PRPSAP2: variants seen among roughly 807,000 people sequenced by gnomAD.
PRPSAP2 encodes phosphoribosyl pyrophosphate synthetase associated protein 2, also known as phosphoribosyl pyrophosphate synthase-associated protein 2.
In PRPSAP2, 24 loss-of-function variants were observed where a neutral mutation model predicts 40.6. That is an observed-to-expected ratio of 0.59 (90% CI 0.43 to 0.83). The LOEUF is 0.83. PRPSAP2 is among the 40% of genes least tolerant of loss of function. The probability of loss-of-function intolerance (pLI) is 0.00; values close to 1 mark genes in which losing one functional copy is unlikely to be tolerated. For missense variants in PRPSAP2, 292 were observed against 465.6 expected, an observed-to-expected ratio of 0.63 and a Z score of 3.43; for synonymous variants, 149 against 164.7, an observed-to-expected ratio of 0.90 and a Z score of 0.73.
intron 7 of PRPSAP2, among the ~76,000 whole-genome samples, chr17:18,885,403 C>CAAAAAAAA (rs775079199): frequency 2.7e-4 from 3 of 10,982 alleles, no homozygotes; most frequent in Non-Finnish European, 5.4e-4. Context: ...TTCCTTCTCA[C>CAAAAAAAA]AAAAAAAAAA....
chr17:18,886,417 G>T (rs747434113), intron 7 of PRPSAP2, among the ~76,000 whole-genome samples: 4 of 151,452 alleles, frequency 2.6e-5, no homozygotes, highest in Non-Finnish European at 5.9e-5. Context: ...GTGCAGTGGC[G>T]CAATCTCAGC....
intron 8 of PRPSAP2, among the ~76,000 whole-genome samples, chr17:18,903,513 C>G (rs1282759877): frequency 6.6e-6 from 1 of 152,114 alleles, no homozygotes; most frequent in Non-Finnish European, 1.5e-5. Context: ...GTTGGAAGAT[C>G]ATTTGAGTCC....
intron 5 of PRPSAP2, among the ~76,000 whole-genome samples, chr17:18,877,360 C>T (rs999986642): frequency 2.0e-5 from 3 of 152,094 alleles, no homozygotes; most frequent in Non-Finnish European, 4.4e-5. Context: ...GAATTCCTTA[C>T]ATAGGTGTGC....
intron 8 of PRPSAP2, 45 bp downstream of exon 8, chr17:18,889,922 A>T: frequency 6.4e-7 from 1 of 1,562,042 alleles, no homozygotes; most frequent in Non-Finnish European, 8.8e-7. Flanking sequence ...ACTTCTAAGG[A>T]TTGTATCCGT....
chr17:18,922,668 A>ATTTTTTTTT (rs57263191), intron 9 of PRPSAP2, among the ~76,000 whole-genome samples: 1 of 89,840 alleles, frequency 1.1e-5, no homozygotes, highest in East Asian at 3.3e-4. Flanking sequence ...TATATATATA[A>ATTTTTTTTT]TTTTTTTTTT....
intron 9 of PRPSAP2, among the ~76,000 whole-genome samples, chr17:18,919,352 A>G (rs1414530948): frequency 6.6e-6 from 1 of 152,194 alleles, no homozygotes; most frequent in Non-Finnish European, 1.5e-5. Context: ...ACTAAAAAAT[A>G]TAAAAATTAG....
intron 9 of PRPSAP2, among the ~76,000 whole-genome samples, chr17:18,912,331 C>T (rs1029928372): frequency 2.6e-5 from 4 of 152,146 alleles, no homozygotes; most frequent in Admixed American, 6.5e-5. Context: ...TGACCCCCTT[C>T]GTAGAGCAGA....
At chr17:18,891,999 G>C (rs2039574239) in intron 8 of PRPSAP2, among the ~76,000 whole-genome samples, 1 of 152,202 alleles carries the variant, frequency 6.6e-6, no homozygotes, top group Non-Finnish European at 1.5e-5. Context: ...TGGAATTACA[G>C]GTGCATGCTA....
chr17:18,923,846 A>C, intron 9 of PRPSAP2, 68 bp from the exon 10 acceptor site: 1 of 1,367,306 alleles, frequency 7.3e-7, no homozygotes, highest in South Asian at 1.3e-5. Flanking sequence ...TTGAGATATT[A>C]ACTTCTTTAA....
chr17:18,876,227 GA>G (rs769562081), intron 5 of PRPSAP2, among the ~76,000 whole-genome samples: 35 of 152,148 alleles, frequency 2.3e-4, no homozygotes, highest in Non-Finnish European at 4.4e-4. Flanking sequence ...AAATAAAAGA[GA>G]AATTTAAAAT....
At chr17:18,908,872 T>G (rs2040774118) in intron 8 of PRPSAP2, 2 of 571,464 alleles carry the variant, frequency 3.5e-6, no homozygotes, top group Non-Finnish European at 3.2e-6. Flanking sequence ...ATAAATCATC[T>G]TATTTTATTT....
intron 3 of PRPSAP2, among the ~76,000 whole-genome samples, chr17:18,866,813 CTG>C (rs547729562): frequency 6.2e-4 from 95 of 152,186 alleles, no homozygotes; most frequent in Middle Eastern, 3.4e-3. Context: ...ATGAAGAAAA[CTG>C]TGTGAAAGTA....
intron 8 of PRPSAP2, among the ~76,000 whole-genome samples, chr17:18,903,780 A>T (rs1343159124): frequency 6.6e-6 from 1 of 152,120 alleles, no homozygotes; most frequent in Non-Finnish European, 1.5e-5. Context: ...AGCTCTGTCG[A>T]CATGGCATCA....
At chr17:18,928,979 T>G in intron 11 of PRPSAP2, 22 bp downstream of exon 11, 3 of 1,600,506 alleles carry the variant, frequency 1.9e-6, no homozygotes. Context: ...TGGGTGTGTG[T>G]GGGTACAGCT....
chr17:18,920,510 G>GAT (rs2041633531), intron 9 of PRPSAP2, among the ~76,000 whole-genome samples: 1 of 152,106 alleles, frequency 6.6e-6, no homozygotes, highest in Non-Finnish European at 1.5e-5. Context: ...TAGTTTCATA[G>GAT]ATCCTAAATA....
At chr17:18,883,635 C>T (rs1346197725) in intron 7 of PRPSAP2, among the ~76,000 whole-genome samples, 1 of 152,012 alleles carries the variant, frequency 6.6e-6, no homozygotes, top group Non-Finnish European at 1.5e-5. Flanking sequence ...ATCTGCCTGC[C>T]TCGGCCTCCC....
intron 9 of PRPSAP2, among the ~76,000 whole-genome samples, chr17:18,912,188 A>T (rs1230878403): frequency 6.6e-6 from 1 of 152,078 alleles, no homozygotes; most frequent in East Asian, 1.9e-4. Flanking sequence ...TTCTCAGAAA[A>T]AAAAAAAGAT....
At chr17:18,874,611 G>A (rs1361277612) in intron 5 of PRPSAP2, among the ~76,000 whole-genome samples, 1 of 152,222 alleles carries the variant, frequency 6.6e-6, no homozygotes, top group Admixed American at 6.5e-5. Flanking sequence ...GAGGAAGGGT[G>A]TGGAGGGCCT....
chr17:18,900,233 GCTGGTTTCAAA>G (rs1419458548), intron 8 of PRPSAP2, among the ~76,000 whole-genome samples: 1 of 152,164 alleles, frequency 6.6e-6, no homozygotes, highest in Non-Finnish European at 1.5e-5. Context: ...TGTTGGCCAG[GCTGGTTTCAAA>G]CTCCTGGCCT....
Sources: gnomAD v4.1 joint callset for allele counts (sites outside exome capture counted in the v4.1 genomes callset) on GRCh38, gnomAD v4.1.1 for gene constraint, MANE v1.5 for transcripts, NCBI Gene and HGNC (gene_info 2026-07-23, HGNC 2026-07-21) for gene names.